DCST1: variants seen among roughly 807,000 people sequenced by gnomAD.
The protein encoded by DCST1 is E3 ubiquitin-protein ligase DCST1.
A neutral mutation model predicts 89.1 loss-of-function variants in DCST1; 78 were observed. The observed-to-expected ratio is 0.88, with a 90% CI of 0.73 to 1.06. The LOEUF (loss-of-function observed/expected upper bound fraction) is 1.06, where lower values mean the gene tolerates loss of function less well. DCST1 is among the 50% of genes least tolerant of loss of function. The probability of loss-of-function intolerance (pLI) is 0.00; values close to 1 mark genes in which losing one functional copy is unlikely to be tolerated. For synonymous variants in DCST1, 364 were observed against 371.9 expected (o/e 0.98, Z 0.24); for missense variants, 900 against 928.6 (o/e 0.97, Z 0.40).
In DCST1 at chr1:155,048,280, C is replaced by CCAGG. The variant is rs1258133454; in HGVS notation, c.1869+110_1869+111insCAGG. The CCAGG allele has an allele frequency of 3.6e-5, 30 of 834,676 alleles. No homozygotes were observed. In the Admixed American group the frequency reaches 7.2e-4, roughly 20 times the overall value. 51.7% of individuals were successfully genotyped at this position (834,676 alleles called of 1,614,324 possible). ...GCACCCACCAATGGTCGCAGGCCTACTCGAGCCTGGTAAGTTCTTTTTATT... is the reference window on the plus strand; with the variant it reads ...GCACCCACCAATGGTCGCAGGCCTACCAGGTCGAGCCTGGTAAGTTCTTTTTATT... On this transcript the variant is annotated intron_variant, in intron 16 of 16. Transcript: ENST00000295542.
chr1:155,040,568 C>T lies in DCST1; in HGVS notation c.475C>T (p.Arg159Cys), dbSNP rs1329564286. ...CTVELQINNT[R>C]AAWRISTAPL... ...CGTGGAGCTGCAGATCAACAACACC[C>T]GCGCAGCTTGGCGCATCTCCACAGC... Residue 159 changes from arginine (R) to cysteine (C), a missense_variant, in exon 6 of 17, where the codon CGC becomes TGC. By Grantham distance (180) the Arg-to-Cys change is radical (BLOSUM62 -3). Transcript: ENST00000295542. 9.4e-6 allele frequency: 15 copies of T among 1,589,464 alleles called. No individual in the cohort carries two copies. The highest frequency in any genetic ancestry group is 1.3e-5 in the African/African-American group (1 of 74,482).
Position 155,050,920 on chromosome 1 carries a change from C to T in DCST1, c.*52C>T. 3 of 1,580,314 alleles carry T rather than the reference C, an allele frequency of 1.9e-6. No individual in the cohort carries two copies. The highest frequency in any genetic ancestry group is 2.6e-6 in the Non-Finnish European group (3 of 1,156,982). On this transcript the variant is annotated 3_prime_UTR_variant, in exon 17 of 17. Transcript: ENST00000295542. ...CCGTCCTTCCCGGTTAATAAAATGCCCTGTACGCTTCACGTGGGTCGGGGA... is the reference window on the plus strand; with the variant it reads ...CCGTCCTTCCCGGTTAATAAAATGCTCTGTACGCTTCACGTGGGTCGGGGA...
At chr1:155,048,683 C>G (rs548383437) in intron 16 of DCST1, among the ~76,000 whole-genome samples, 1 of 152,272 alleles carries the variant, frequency 6.6e-6, no homozygotes, top group Non-Finnish European at 1.5e-5. Flanking sequence ...GTTTCTGAAT[C>G]CCAGGATTCA....
Position 155,034,541 on chromosome 1 carries a change from T to G in DCST1, c.168T>G (p.Ala56=). ...PVTALLLGAG[A]GGLLAIGLFQ... ...CTGCTCTCCTGCTGGGGGCAGGCGC[T>G]GGGGGGCTCCTGGCCATAGGTGAGT... The change falls in exon 3 of 17, where the codon GCT becomes GCG. Residue 56 remains alanine, a synonymous_variant. Transcript: ENST00000295542. The G allele has an allele frequency of 6.2e-7, 1 of 1,613,556 alleles. No homozygotes were observed. Among genetic ancestry groups the G allele is most frequent in the Middle Eastern group, 1.6e-4 (1 of 6,062 alleles).
chr1:155,035,505 A>G (rs1660251649), intron 4 of DCST1, among the ~76,000 whole-genome samples: 1 of 152,190 alleles, frequency 6.6e-6, no homozygotes, highest in African/African-American at 2.4e-5. Flanking sequence ...AGAAGGACTC[A>G]GGTTCCTTCT....
intron 15 of DCST1, 53 bp downstream of exon 15, chr1:155,047,982 AC>A: frequency 6.2e-7 from 1 of 1,612,880 alleles, no homozygotes; most frequent in Non-Finnish European, 8.5e-7. Context: ...ACACACACAC[AC>A]ACCACCCAGC....
Position 155,050,801 on chromosome 1 carries a change from C to G in DCST1, c.2054C>G (p.Thr685Arg). 2 of 1,611,996 alleles carry G rather than the reference C, an allele frequency of 1.2e-6. No individual in the cohort carries two copies. The highest frequency in any genetic ancestry group is 1.1e-5 in the South Asian group (1 of 90,756). Reference protein sequence around the residue: ...DDMRQRCPVCTPREELSSSAF... With the variant: ...DDMRQRCPVCRPREELSSSAF... ...ATGCGGCAGCGGTGCCCGGTCTGCA[C>G]GCCCCGCGAAGAGCTCTCTTCCTCC... is the stretch of plus-strand genomic sequence containing the variant. The change falls in exon 17 of 17, where the codon ACG becomes AGG. Residue 685 changes from threonine to arginine, a missense_variant. Thr to Arg is a moderately conservative substitution (Grantham distance 71, BLOSUM62 -1). Coordinates refer to ENST00000295542, the MANE Select transcript of DCST1 (RefSeq NM_152494.4).
At chr1:155,044,480 C>CAAAAA (rs57888793) in intron 10 of DCST1, among the ~76,000 whole-genome samples, 7 of 63,170 alleles carry the variant, frequency 1.1e-4, no homozygotes, top group East Asian at 4.4e-4. Flanking sequence ...GAGCTTGTCT[C>CAAAAA]AAAAAAAAAA....
Position 155,050,666 on chromosome 1 carries a change from G to A in DCST1, c.1919G>A (p.Arg640His). ...CACCGCGGCTGCCCGCTCCTGCGCCGCTGGCTGTGCCGGCGCTGCGTGGTG... is the reference window on the plus strand; with the variant it reads ...CACCGCGGCTGCCCGCTCCTGCGCCACTGGCTGTGCCGGCGCTGCGTGGTG... Reference protein sequence around the residue: ...ILHRGCPLLRRWLCRRCVVCQ... With the variant: ...ILHRGCPLLRHWLCRRCVVCQ... The change falls in exon 17 of 17, where the codon CGC (arginine) becomes CAC (histidine). Residue 640 changes from arginine to histidine, a missense_variant. Coordinates refer to ENST00000295542, the MANE Select transcript of DCST1 (RefSeq NM_152494.4). 1 of 1,600,396 alleles carries A rather than the reference G, an allele frequency of 6.2e-7. No homozygotes were observed.
chr1:155,046,633 C>T lies in DCST1; in HGVS notation c.1495+147C>T, dbSNP rs1002795375. The T allele has an allele frequency of 4.6e-5, 37 of 798,182 alleles. No homozygotes were observed. In the South Asian group the frequency reaches 4.8e-4, roughly 10 times the overall value. The allele number at this position is 798,182 out of a possible 1,614,324, so 49.4% of individuals were successfully genotyped here. A position where few individuals can be genotyped will look rare whatever the true frequency, so the allele number is the denominator to read the frequency against. On this transcript the variant is annotated intron_variant, in intron 13 of 16. Transcript: ENST00000295542. ...TTTTTTTTTTTGAGACAAAGAGTCT[C>T]GCTCTGTCACCCAGGCTGGAGGAGT...
intron 4 of DCST1, among the ~76,000 whole-genome samples, chr1:155,036,893 C>T (rs1479970611): frequency 6.6e-6 from 1 of 152,252 alleles, no homozygotes; most frequent in Non-Finnish European, 1.5e-5. Flanking sequence ...GCTGGGAGTG[C>T]ACACGTCCGT....
At chr1:155,040,753 A>G in intron 6 of DCST1, 129 bp downstream of exon 6, 1 of 1,355,872 alleles carries the variant, frequency 7.4e-7, no homozygotes, top group Non-Finnish European at 9.8e-7. Flanking sequence ...TTGCAGAACT[A>G]TTCCCAAACA....
rs781136167 is a variant in DCST1, at chr1:155,037,438, CTTTTTTTT to C, written c.263-1949_263-1942del. Among the ~76,000 whole-genome samples, 5 of 125,816 alleles carry C rather than the reference CTTTTTTTT, an allele frequency of 4.0e-5. No individual in the cohort carries two copies. In the South Asian group the frequency reaches 1.3e-3, roughly 33 times the overall value. The allele number at this position is 125,816 out of a possible 152,430, so 82.5% of individuals were successfully genotyped here. Reference sequence around the variant, plus strand: ...CTTCCAGGAAATCCACATTGTTGGTCTTTTTTTTTTTTTTTTTTTTTTTAAGACAGAGT... The same window carrying C: ...CTTCCAGGAAATCCACATTGTTGGTCTTTTTTTTTTTTTTTAAGACAGAGT... On this transcript the variant is annotated intron_variant, in intron 4 of 16. Coordinates refer to ENST00000295542, the MANE Select transcript of DCST1 (RefSeq NM_152494.4).
At chr1:155,043,249 C>T in intron 9 of DCST1, 103 bp from the exon 10 acceptor site, 2 of 1,563,270 alleles carry the variant, frequency 1.3e-6, no homozygotes, top group South Asian at 1.2e-5. Flanking sequence ...GGGAGGGCCC[C>T]AGGGACACAA....
chr1:155,045,857 G>C (rs1481148994), intron 10 of DCST1, 36 bp from the exon 11 acceptor site: 1 of 1,569,528 alleles, frequency 6.4e-7, no homozygotes, highest in Non-Finnish European at 8.8e-7. Flanking sequence ...GGAGAACCTG[G>C]AAGAGATGGA....
Position 155,048,164 on chromosome 1 carries a change from G to A in DCST1, c.1863G>A (p.Lys621=). 1 of 1,613,850 alleles carries A rather than the reference G, an allele frequency of 6.2e-7. No individual in the cohort carries two copies. The highest frequency in any genetic ancestry group is 2.2e-5 in the East Asian group (1 of 44,878). The change falls in exon 16 of 17, where the codon AAG becomes AAA. Residue 621 remains lysine, a synonymous_variant. Coordinates refer to ENST00000295542, the MANE Select transcript of DCST1 (RefSeq NM_152494.4). The part of the protein sequence containing the change: ...AAILRRERQQ[K]APRHPLADIL... ...TCCTGAGGCGGGAGCGACAGCAGAA[G>A]GCTCCGGTAAGTCCAGGCGTAAGTG...
rs1241147287 is a variant in DCST1 at position 155,034,452 on chromosome 1, ACCTGGGGGCTGCCAGTCTCCTGTAGCTG to A, written c.80_107del (p.Thr27SerfsTer27). The A allele has an allele frequency of 6.2e-7, 1 of 1,613,938 alleles. No individual in the cohort carries two copies. The highest frequency in any genetic ancestry group is 1.7e-5 in the Admixed American group (1 of 60,010). ...CCTCTTAGCGGTGCAGAGGCTCCTG[ACCTGGGGGCTGCCAGTCTCCTGTAGCTG>A]GTTCCTGTGGCGCCAGCCGGGCGAG... On this transcript the variant is annotated frameshift_variant, in exon 3 of 17. Coordinates refer to ENST00000295542, the MANE Select transcript of DCST1 (RefSeq NM_152494.4). LOFTEE classifies it high-confidence loss of function.
rs764310071 is a variant in DCST1, at chr1:155,043,394, G to A, written c.1057G>A (p.Glu353Lys). The A allele has an allele frequency of 1.1e-5, 17 of 1,613,922 alleles. No homozygotes were observed. Among genetic ancestry groups the A allele is most frequent in the Non-Finnish European group, 1.4e-5 (16 of 1,179,982 alleles). The change falls in exon 10 of 17, where the codon GAG becomes AAG. Residue 353 changes from glutamate to lysine, a missense_variant. Transcript: ENST00000295542. ...AGVLGLNTSW[E>K]RVSTEVRDYV... ...GGTGCTGGGGCTCAACACAAGCTGG[G>A]AGCGCGTGAGCACCGAGGTGCGGGA...
At chr1:155,043,244 G>A in intron 9 of DCST1, 108 bp from the exon 10 acceptor site, 1 of 1,511,334 alleles carries the variant, frequency 6.6e-7, no homozygotes, top group Non-Finnish European at 9.1e-7. Context: ...GTCCTGGGAG[G>A]GCCCCAGGGA....
Sources: allele counts gnomAD v4.1 joint callset (sites outside exome capture counted in the v4.1 genomes callset), GRCh38; gene constraint gnomAD v4.1.1; transcripts MANE v1.5; gene names NCBI Gene and HGNC (gene_info 2026-07-23, HGNC 2026-07-21).